SDK1: variants seen among roughly 807,000 people sequenced by gnomAD.
SDK1 encodes the protein sidekick cell adhesion molecule 1.
In SDK1, 157 loss-of-function variants were observed where a neutral mutation model predicts 245.5. The ratio of observed to expected loss-of-function variants is 0.64; its 90% CI spans 0.56 to 0.73. SDK1 has a LOEUF of 0.73. SDK1 is among the 30% of genes least tolerant of loss of function. The pLI is 0.00. For missense variants in SDK1, 3,583 were observed against 3,002.3 expected, an observed-to-expected ratio of 1.19 and a Z score of -4.52; for synonymous variants, 1,647 against 1,278.5, an observed-to-expected ratio of 1.29 and a Z score of -6.15.
chr7:3,458,323 C>G (rs1202548396), intron 1 of SDK1, among the ~76,000 whole-genome samples: 2 of 152,078 alleles, frequency 1.3e-5, no homozygotes, highest in African/African-American at 4.8e-5. Context: ...AGGATATAAG[C>G]TCTAAAAGTA....
rs180770270 is a variant in SDK1 at position 4,201,103 on chromosome 7, C to T, written c.5099-4776C>T. On this transcript the variant is annotated intron_variant, in intron 35 of 44. Transcript: ENST00000404826. ...CTAGGGCTATGCACTTGCCCAGACA[C>T]GGGGCTCTGCATTTCCTGGGTTGCT... Among the ~76,000 whole-genome samples, 164 of 152,310 alleles carry T rather than the reference C, an allele frequency of 1.1e-3. 1 individual carries two copies. Among genetic ancestry groups the T allele is most frequent in the South Asian group, 4.1e-3 (20 of 4,828 alleles).
At chr7:3,403,218 G>A (rs1422748747) in intron 1 of SDK1, among the ~76,000 whole-genome samples, 1 of 152,158 alleles carries the variant, frequency 6.6e-6, no homozygotes, top group Non-Finnish European at 1.5e-5. Flanking sequence ...ACAGGTGTGA[G>A]TCACCATGCC....
intron 1 of SDK1, among the ~76,000 whole-genome samples, chr7:3,486,527 T>C (rs1781699812): frequency 6.6e-6 from 1 of 152,144 alleles, no homozygotes; most frequent in African/African-American, 2.4e-5. Flanking sequence ...TGTTTTCTGG[T>C]AAATGCATTT....
intron 1 of SDK1, among the ~76,000 whole-genome samples, chr7:3,458,967 A>C (rs757552892): frequency 2.6e-5 from 4 of 152,080 alleles, no homozygotes; most frequent in Non-Finnish European, 5.9e-5. Flanking sequence ...AAGAGTTTTA[A>C]GTTTCCATGT....
intron 1 of SDK1, among the ~76,000 whole-genome samples, chr7:3,398,166 G>A (rs1362744696): frequency 6.6e-6 from 1 of 151,970 alleles, no homozygotes; most frequent in Non-Finnish European, 1.5e-5. Flanking sequence ...GGTTTCACAG[G>A]CTTTAGTTTC....
At chr7:4,090,979 G>A (rs1294976351) in intron 22 of SDK1, among the ~76,000 whole-genome samples, 2 of 152,008 alleles carry the variant, frequency 1.3e-5, no homozygotes, top group Non-Finnish European at 2.9e-5. Flanking sequence ...CACTCTATGT[G>A]GCCAGTCTTA....
intron 14 of SDK1, among the ~76,000 whole-genome samples, chr7:3,994,727 T>G (rs1023489576): frequency 1.3e-5 from 2 of 152,182 alleles, no homozygotes; most frequent in African/African-American, 4.8e-5. Context: ...TCAATAAATT[T>G]TATAGGGTTT....
chr7:3,936,304 G>A (rs191887100), intron 5 of SDK1, among the ~76,000 whole-genome samples: 84 of 152,180 alleles, frequency 5.5e-4, no homozygotes, highest in African/African-American at 1.9e-3. Context: ...GTTTTGGGCC[G>A]GGCACGGTGG....
chr7:3,645,774 A>G (rs1171547653), intron 4 of SDK1, among the ~76,000 whole-genome samples: 2 of 152,212 alleles, frequency 1.3e-5, no homozygotes, highest in African/African-American at 4.8e-5. Context: ...ATATACCCAC[A>G]GAGATGCCAT....
intron 1 of SDK1, among the ~76,000 whole-genome samples, chr7:3,504,174 A>ATGTGTGTGTG (rs1392132133): frequency 4.8e-5 from 3 of 62,030 alleles, no homozygotes; most frequent in African/African-American, 1.7e-4. Context: ...AAAATTATAT[A>ATGTGTGTGTG]TATATATATG....
chr7:3,353,539 A>G (rs1186586256), intron 1 of SDK1, among the ~76,000 whole-genome samples: 1 of 152,208 alleles, frequency 6.6e-6, no homozygotes, highest in African/African-American at 2.4e-5. Flanking sequence ...TGGAAAAGTA[A>G]TGTGTAGCTC....
intron 22 of SDK1, among the ~76,000 whole-genome samples, chr7:4,093,768 G>A (rs1044488716): frequency 2.0e-5 from 3 of 152,224 alleles, no homozygotes; most frequent in Admixed American, 6.5e-5. Context: ...ACGCTGTGCC[G>A]AGGGACCGGA....
intron 1 of SDK1, among the ~76,000 whole-genome samples, chr7:3,454,704 G>C (rs1420420227): frequency 6.6e-6 from 1 of 152,130 alleles, no homozygotes; most frequent in Non-Finnish European, 1.5e-5. Flanking sequence ...TTGCTCAGGA[G>C]TATTTCATGA....
At chr7:3,804,229 T>C (rs893886081) in intron 4 of SDK1, among the ~76,000 whole-genome samples, 3 of 152,240 alleles carry the variant, frequency 2.0e-5, no homozygotes, top group Non-Finnish European at 2.9e-5. Context: ...TTTACAAATA[T>C]ATTTATGATG....
At chr7:4,099,257 C>T (rs1782380134) in intron 22 of SDK1, among the ~76,000 whole-genome samples, 1 of 150,300 alleles carries the variant, frequency 6.7e-6, no homozygotes, top group Non-Finnish European at 1.5e-5. Flanking sequence ...AACGGTGATG[C>T]CAACAGATCG....
intron 1 of SDK1, among the ~76,000 whole-genome samples, chr7:3,589,858 A>C (rs1403328202): frequency 6.6e-6 from 1 of 152,190 alleles, no homozygotes; most frequent in Non-Finnish European, 1.5e-5. Flanking sequence ...GACAGTTATA[A>C]TATTTGCATA....
chr7:3,595,895 C>G (rs1278172125), intron 1 of SDK1, among the ~76,000 whole-genome samples: 5 of 137,226 alleles, frequency 3.6e-5, no homozygotes, highest in Admixed American at 3.0e-4. Context: ...TTTATGTTGT[C>G]TAGTTACTAG....
rs141158917 is a variant in SDK1, at chr7:4,132,670, G to A, written c.4228+247G>A. ...TTGAGCCCAGGAGGTTGAGGCTGCA[G>A]TGAGCCAAGATTGCATCACTGCACT... On this transcript the variant is annotated intron_variant, in intron 28 of 44. Transcript: ENST00000404826. 2.7e-3 allele frequency: 1,075 copies of A among 397,370 alleles called. 6 individuals carry two copies. The highest frequency in any genetic ancestry group is 0.02 in the African/African-American group (998 of 49,942). 24.6% of individuals were successfully genotyped at this position (397,370 alleles called of 1,614,324 possible). A position where few individuals can be genotyped will look rare whatever the true frequency, so the allele number is the denominator to read the frequency against.
chr7:3,903,597 A>G (rs909668459), intron 5 of SDK1, among the ~76,000 whole-genome samples: 5 of 152,214 alleles, frequency 3.3e-5, no homozygotes, highest in African/African-American at 4.8e-5. Context: ...GAGTTACTAT[A>G]TGACCTAGCA....
Sources: gnomAD v4.1 joint callset for allele counts (sites outside exome capture counted in the v4.1 genomes callset) on GRCh38, gnomAD v4.1.1 for gene constraint, MANE v1.5 for transcripts, NCBI Gene and HGNC (gene_info 2026-07-23, HGNC 2026-07-21) for gene names.